Variants in SYNE2 observed in about 807,000 individuals in gnomAD.
SYNE2 encodes the protein nesprin-2.
Under a neutral mutation model 856.3 loss-of-function variants are expected in SYNE2, and 431 were observed. That is an observed-to-expected ratio of 0.50 (90% CI 0.47 to 0.55). The LOEUF is 0.55. Ranked by LOEUF, SYNE2 falls within the 20% of genes least tolerant of loss-of-function variation. The pLI, the probability that SYNE2 is intolerant of heterozygous loss-of-function variation, is 0.00. For synonymous variants in SYNE2, 2,923 were observed against 2,872.3 expected (o/e 1.02, Z -0.56); for missense variants, 8,129 against 8,023.2 (o/e 1.01, Z -0.50).
At chr14:63,791,029 C>T (rs766297910) in intron 1 of SYNE2, among the ~76,000 whole-genome samples, 30 of 151,974 alleles carry the variant, frequency 2.0e-4, no homozygotes, top group Non-Finnish European at 3.1e-4. Context: ...ATTATCTGGG[C>T]TCACTGCAAA....
chr14:64,081,323 G>A (rs2097522101), intron 56 of SYNE2, 120 bp from the exon 57 acceptor site: 2 of 1,230,898 alleles, frequency 1.6e-6, no homozygotes, highest in Non-Finnish European at 2.4e-6. Context: ...CAGCCATGGG[G>A]AGCAGACATC....
intron 1 of SYNE2, among the ~76,000 whole-genome samples, chr14:63,771,117 G>A (rs1240986295): frequency 2.0e-5 from 3 of 146,972 alleles, no homozygotes; most frequent in Admixed American, 6.9e-5. Context: ...TGGCCCAGGC[G>A]GGAGCGCAGT....
intron 28 of SYNE2, 83 bp from the exon 29 acceptor site, chr14:64,001,851 T>A: frequency 7.0e-7 from 1 of 1,427,138 alleles, no homozygotes; most frequent in South Asian, 1.1e-5. Flanking sequence ...TTTCTGTTCT[T>A]AGTTCAGTAA....
At chr14:64,161,975 C>T (rs2098333394) in intron 87 of SYNE2, 97 bp from the exon 88 acceptor site, 1 of 1,292,994 alleles carries the variant, frequency 7.7e-7, no homozygotes. Flanking sequence ...CTTAATGATC[C>T]ATCTGCTAGT....
At chr14:64,025,530 G>A (rs2096970992) in intron 41 of SYNE2, 109 bp downstream of exon 41, 2 of 1,115,678 alleles carry the variant, frequency 1.8e-6, no homozygotes, top group Admixed American at 4.7e-5. Flanking sequence ...AGATCACTGT[G>A]GAATGGTTGA....
At chr14:64,191,167 TTTA>T (rs969290476) in intron 99 of SYNE2, 3 of 362,898 alleles carry the variant, frequency 8.3e-6, no homozygotes, top group East Asian at 4.8e-5. Flanking sequence ...TTAAATTAAA[TTTA>T]TTATTTAAAT....
intron 2 of SYNE2, among the ~76,000 whole-genome samples, chr14:63,931,441 T>C (rs1342611855): frequency 3.3e-5 from 5 of 151,146 alleles, no homozygotes; most frequent in African/African-American, 1.2e-4. Flanking sequence ...TCCCAGCTAC[T>C]CAGGAGGCTG....
chr14:64,061,435 T>TA (rs1385554487), intron 49 of SYNE2, among the ~76,000 whole-genome samples: 1 of 152,230 alleles, frequency 6.6e-6, no homozygotes, highest in African/African-American at 2.4e-5. Context: ...ATGTACATCT[T>TA]ACATTTTTAA....
At chr14:63,925,681 G>T (rs892380327) in intron 2 of SYNE2, among the ~76,000 whole-genome samples, 3 of 151,998 alleles carry the variant, frequency 2.0e-5, no homozygotes, top group Admixed American at 6.6e-5. Flanking sequence ...CTTCCCAGCC[G>T]CTGGTAACCA....
Position 64,087,752 on chromosome 14 carries a change from G to C in SYNE2, c.11566G>C (p.Glu3856Gln), listed in dbSNP as rs930855053. 1 of 1,613,904 alleles carries C rather than the reference G, an allele frequency of 6.2e-7. No homozygotes were observed. The highest frequency in any genetic ancestry group is 1.7e-5 in the Admixed American group (1 of 59,992). The change falls in exon 58 of 116, where the codon GAA (glutamate) becomes CAA (glutamine). Residue 3856 changes from glutamate (E) to glutamine (Q), a missense_variant. Glu to Gln is a conservative substitution (Grantham distance 29). Coordinates refer to ENST00000555002, the MANE Select transcript of SYNE2 (RefSeq NM_182914.3). ...TCTAGAAGACCTGTCAATAATTTTT[G>C]AAACAGATGAATTAACCCAATCCAT... The part of the protein sequence containing the change: ...MDLEDLSIIF[E>Q]TDELTQSIQE...
At chr14:63,873,707 A>G (rs2094644424) in intron 1 of SYNE2, 1 of 152,390 alleles carries the variant, frequency 6.6e-6, no homozygotes, top group Admixed American at 6.5e-5. Context: ...TACCTTTGTA[A>G]GAAATCATAA....
intron 1 of SYNE2, among the ~76,000 whole-genome samples, chr14:63,768,629 A>C (rs1886777996): frequency 6.6e-6 from 1 of 152,182 alleles, no homozygotes; most frequent in Non-Finnish European, 1.5e-5. Context: ...AACTCTTAGC[A>C]GCCAGGACAA....
At chr14:64,110,435 G>A (rs779770092) in intron 65 of SYNE2, among the ~76,000 whole-genome samples, 2 of 152,138 alleles carry the variant, frequency 1.3e-5, no homozygotes, top group Non-Finnish European at 2.9e-5. Flanking sequence ...AGTGAAAGCA[G>A]GAATTGCTTT....
At position 64,016,410 on chromosome 14, in the gene SYNE2, T is replaced by G. The variant is rs555324804; in HGVS notation, c.4729-63T>G. 10 of 1,103,092 alleles carry G rather than the reference T, an allele frequency of 9.1e-6. No homozygotes were observed. In the East Asian group the frequency reaches 2.3e-4, roughly 25 times the overall value. 68.3% of individuals were successfully genotyped at this position (1,103,092 alleles called of 1,614,324 possible). On this transcript the variant is annotated intron_variant, in intron 32 of 115. Coordinates refer to ENST00000555002, the MANE Select transcript of SYNE2 (RefSeq NM_182914.3). ...TAAGCTCAATATCCAACAATAGAAT[T>G]GTGATTCTTAGCTGTTTGTCTATAT...
chr14:64,211,837 T>G, intron 103 of SYNE2, 124 bp from the exon 104 acceptor site: 1 of 1,417,458 alleles, frequency 7.1e-7, no homozygotes, highest in South Asian at 1.2e-5. Flanking sequence ...CTGGGTACCC[T>G]AGAGGCAGAT....
chr14:63,879,894 G>C (rs1436116897), intron 1 of SYNE2, among the ~76,000 whole-genome samples: 10 of 152,206 alleles, frequency 6.6e-5, no homozygotes, highest in Admixed American at 5.9e-4. Context: ...GGATATCGCA[G>C]TTGCGTAGAA....
At chr14:64,222,301 G>T (rs1382825280) in intron 112 of SYNE2, among the ~76,000 whole-genome samples, 1 of 152,236 alleles carries the variant, frequency 6.6e-6, no homozygotes, top group Non-Finnish European at 1.5e-5. Flanking sequence ...GCGTCCAGTA[G>T]AACTTTCTGA....
At chr14:63,862,747 T>G (rs937395159) in intron 1 of SYNE2, among the ~76,000 whole-genome samples, 3 of 151,882 alleles carry the variant, frequency 2.0e-5, no homozygotes, top group Non-Finnish European at 4.4e-5. Flanking sequence ...AGATATTAGG[T>G]TTTGGGGCAG....
intron 1 of SYNE2, chr14:63,808,440 G>C (rs1422748437): frequency 1.3e-5 from 2 of 152,674 alleles, no homozygotes; most frequent in Non-Finnish European, 2.9e-5. Flanking sequence ...AGTGAGCTGA[G>C]ATCATGCCAC....
Sources: gnomAD v4.1 joint callset for allele counts (sites outside exome capture counted in the v4.1 genomes callset) on GRCh38, gnomAD v4.1.1 for gene constraint, MANE v1.5 for transcripts, NCBI Gene and HGNC (gene_info 2026-07-23, HGNC 2026-07-21) for gene names.